EFCAB3: variants seen among roughly 807,000 people sequenced by gnomAD.
The protein encoded by EFCAB3 is EF-hand calcium-binding domain-containing protein 3.
Under a neutral mutation model 42.2 loss-of-function variants are expected in EFCAB3, and 36 were observed. That is an observed-to-expected ratio of 0.85 (90% confidence interval 0.65 to 1.13). The LOEUF (loss-of-function observed/expected upper bound fraction) is 1.13, where lower values mean the gene tolerates loss of function less well. Ranked by LOEUF, EFCAB3 falls within the 50% of genes most tolerant of loss-of-function variation. The pLI is 0.00. For missense variants in EFCAB3, 418 were observed against 505.1 expected (o/e 0.83, Z 1.65); for synonymous variants, 170 against 172.8 (o/e 0.98, Z 0.13).
chr17:62,402,388 C>G (rs2070411562), intron 6 of EFCAB3, among the ~76,000 whole-genome samples: 1 of 152,122 alleles, frequency 6.6e-6, no homozygotes, highest in Non-Finnish European at 1.5e-5. Flanking sequence ...GGGAATGCTT[C>G]CAGTTTTTGC....
chr17:62,398,465 A>G (rs1474716848), intron 6 of EFCAB3, among the ~76,000 whole-genome samples: 2 of 146,670 alleles, frequency 1.4e-5, no homozygotes, highest in African/African-American at 2.5e-5. Flanking sequence ...AAAAAAAAAG[A>G]AAAAAAAAAC....
intron 8 of EFCAB3, among the ~76,000 whole-genome samples, chr17:62,411,066 A>C (rs1267297206): frequency 2.6e-5 from 4 of 152,228 alleles, no homozygotes; most frequent in African/African-American, 7.2e-5. Flanking sequence ...AACCGGTTTT[A>C]GATTGGTATT....
chr17:62,377,230 A>G (rs1370017968), upstream of EFCAB3, among the ~76,000 whole-genome samples: 1 of 152,230 alleles, frequency 6.6e-6, no homozygotes. Flanking sequence ...AGCCTCTATA[A>G]CCTAAAGGGA....
exon 2 of EFCAB3, chr17:62,373,853 T>C (rs980210588): frequency 8.7e-6 from 13 of 1,500,214 alleles, no homozygotes; most frequent in Non-Finnish European, 1.1e-5. Flanking sequence ...ATGGAGGGCC[T>C]GAAGAAGTTT....
chr17:62,374,494 A>G (rs1013600458), intron 2 of EFCAB3, among the ~76,000 whole-genome samples: 7 of 152,228 alleles, frequency 4.6e-5, no homozygotes, highest in Admixed American at 3.9e-4. Flanking sequence ...CTAATAATCT[A>G]AAGTTCCTTT....
chr17:62,379,844 G>C (rs2070181354), upstream of EFCAB3, among the ~76,000 whole-genome samples: 1 of 152,112 alleles, frequency 6.6e-6, no homozygotes, highest in Non-Finnish European at 1.5e-5. Context: ...TTGTTCTTTT[G>C]AAAGCACTTT....
upstream of EFCAB3, chr17:62,380,509 C>G (rs2070187249): frequency 2.1e-6 from 2 of 969,162 alleles, no homozygotes; most frequent in Non-Finnish European, 1.2e-6. Context: ...TAGGCTTGAG[C>G]CTGAGCAGTG....
chr17:62,382,882 G>A, intron 1 of EFCAB3, 81 bp from the exon 2 acceptor site: 1 of 1,236,844 alleles, frequency 8.1e-7, no homozygotes, highest in East Asian at 2.6e-5. Context: ...CAAACTCCAG[G>A]CTTTGAGCTG....
chr17:62,385,855 G>T (rs2070244834), intron 2 of EFCAB3, among the ~76,000 whole-genome samples: 1 of 150,624 alleles, frequency 6.6e-6, no homozygotes, highest in Non-Finnish European at 1.5e-5. Context: ...AAGTAGCTGG[G>T]ACTACAGGCG....
At chr17:62,385,934 A>G (rs62074003) in intron 2 of EFCAB3, among the ~76,000 whole-genome samples, 57,030 of 149,020 alleles carry the variant, frequency 0.38, 13,878 homozygotes, top group Non-Finnish European at 0.54. Flanking sequence ...TCACCATGTT[A>G]GCCAGGATGG....
chr17:62,390,820 G>A (rs181785713), intron 3 of EFCAB3, among the ~76,000 whole-genome samples: 4 of 152,276 alleles, frequency 2.6e-5, no homozygotes, highest in East Asian at 3.9e-4. Flanking sequence ...ACATAGAGAC[G>A]CTGAGACTTG....
At chr17:62,412,456 C>T (rs2070507487) in intron 8 of EFCAB3, among the ~76,000 whole-genome samples, 1 of 151,000 alleles carries the variant, frequency 6.6e-6, no homozygotes, top group Admixed American at 6.6e-5. Context: ...TCAAATTTTC[C>T]CCAAGGGTTT....
rs2070545357 is a variant in EFCAB3, at chr17:62,416,089, G to A, written c.1077G>A (p.Gly359=). 3 of 1,613,902 alleles carry A rather than the reference G, an allele frequency of 1.9e-6. No individual in the cohort carries two copies. Among genetic ancestry groups the A allele is most frequent in the Non-Finnish European group, 2.5e-6 (3 of 1,179,850 alleles). Residue 359 remains glycine, a synonymous_variant, in exon 10 of 10, where the codon GGG becomes GGA. Transcript: ENST00000305286. ...TAAACCTCTGGCAGAAGATCCGAGG[G>A]GATTTGATTGGGATGGACTCTAGAA... ...EMLNLWQKIR[G]DLIGMDSRNE...
intron 6 of EFCAB3, chr17:62,397,884 G>A (rs747374835): frequency 1.1e-4 from 30 of 277,456 alleles, no homozygotes; most frequent in Non-Finnish European, 2.0e-4. Context: ...AATTAGCCAG[G>A]CATGGTGGAG....
At chr17:62,380,996 CA>C (rs1274153472) in intron 1 of EFCAB3, among the ~76,000 whole-genome samples, 1 of 152,144 alleles carries the variant, frequency 6.6e-6, no homozygotes, top group East Asian at 1.9e-4. Context: ...ATACACTCTA[CA>C]TTTTTTTATT....
intron 6 of EFCAB3, 42 bp from the exon 7 acceptor site, chr17:62,406,438 T>A (rs759232719): frequency 4.7e-6 from 7 of 1,498,656 alleles, no homozygotes; most frequent in South Asian, 1.3e-5. Context: ...TTTTGTCCTA[T>A]GTCTCTTTGT....
At chr17:62,383,580 C>T (rs768664985) in intron 2 of EFCAB3, among the ~76,000 whole-genome samples, 9 of 151,986 alleles carry the variant, frequency 5.9e-5, no homozygotes, top group Non-Finnish European at 7.4e-5. Flanking sequence ...AACAAAACAT[C>T]GGAATTGAAG....
chr17:62,405,047 G>A (rs2070436658), intron 6 of EFCAB3, among the ~76,000 whole-genome samples: 1 of 152,202 alleles, frequency 6.6e-6, no homozygotes, highest in South Asian at 2.1e-4. Context: ...TAAGTTAGTA[G>A]GTGTGTAGTC....
intron 6 of EFCAB3, among the ~76,000 whole-genome samples, chr17:62,404,568 G>A (rs1277249092): frequency 3.3e-5 from 5 of 151,948 alleles, no homozygotes; most frequent in Non-Finnish European, 5.9e-5. Flanking sequence ...AGGCCGAGGC[G>A]GATGGATCAC....
Sources: gnomAD v4.1 joint callset for allele counts (sites outside exome capture counted in the v4.1 genomes callset) on GRCh38, gnomAD v4.1.1 for gene constraint, MANE v1.5 for transcripts, NCBI Gene and HGNC (gene_info 2026-07-23, HGNC 2026-07-21) for gene names.